CSMD1: variants seen among roughly 807,000 people sequenced by gnomAD.
CSMD1 encodes the protein CUB and Sushi multiple domains 1.
Under a neutral mutation model 417.5 loss-of-function variants are expected in CSMD1, and 213 were observed. The observed-to-expected ratio is 0.51, with a 90% CI of 0.46 to 0.57. The LOEUF (loss-of-function observed/expected upper bound fraction) is 0.57. CSMD1 is among the 20% of genes least tolerant of loss of function. The pLI, the probability that CSMD1 is intolerant of heterozygous loss-of-function variation, is 0.00. For synonymous variants in CSMD1, 2,862 were observed against 1,736.8 expected (o/e 1.65, Z -16.11); for missense variants, 6,923 against 4,529.7 (o/e 1.53, Z -15.17).
At chr8:4,164,434 C>T (rs1016130836) in intron 3 of CSMD1, among the ~76,000 whole-genome samples, 6 of 152,078 alleles carry the variant, frequency 3.9e-5, no homozygotes, top group Admixed American at 3.9e-4. Context: ...TTGCAGGTGA[C>T]CTCTGAAACA....
chr8:4,457,715 C>A (rs753104699), intron 2 of CSMD1, among the ~76,000 whole-genome samples: 1 of 152,094 alleles, frequency 6.6e-6, no homozygotes, highest in Admixed American at 6.6e-5. Context: ...CTTCCCTTCC[C>A]GGTCCTTCAT....
intron 2 of CSMD1, among the ~76,000 whole-genome samples, chr8:4,612,966 G>A (rs1213205517): frequency 6.6e-6 from 1 of 152,152 alleles, no homozygotes; most frequent in Non-Finnish European, 1.5e-5. Context: ...AGGGACTAGA[G>A]ATATAACAGT....
chr8:3,939,705 G>A, intron 5 of CSMD1, among the ~76,000 whole-genome samples: 1 of 152,212 alleles, frequency 6.6e-6, no homozygotes, highest in South Asian at 2.1e-4. Context: ...GGAAAAAACA[G>A]TGCCTTTTGC....
chr8:4,507,758 T>A (rs746952786), intron 2 of CSMD1, among the ~76,000 whole-genome samples: 4 of 152,202 alleles, frequency 2.6e-5, no homozygotes, highest in African/African-American at 4.8e-5. Context: ...AAAGACATCT[T>A]GATGATTGTC....
chr8:4,766,651 G>C (rs922866279), intron 1 of CSMD1, among the ~76,000 whole-genome samples: 2 of 152,138 alleles, frequency 1.3e-5, no homozygotes, highest in Admixed American at 6.5e-5. Flanking sequence ...AAATAACTCA[G>C]GCACTCCCAT....
At chr8:4,870,350 C>T (rs1802664329) in intron 1 of CSMD1, among the ~76,000 whole-genome samples, 1 of 152,064 alleles carries the variant, frequency 6.6e-6, no homozygotes, top group Non-Finnish European at 1.5e-5. Flanking sequence ...TATTTTTATG[C>T]ACTGCTATTT....
intron 2 of CSMD1, among the ~76,000 whole-genome samples, chr8:4,460,988 A>G (rs1345622496): frequency 6.6e-6 from 1 of 152,200 alleles, no homozygotes; most frequent in African/African-American, 2.4e-5. Flanking sequence ...AGTATTTCTT[A>G]AGAATATGAA....
chr8:4,962,385 A>G (rs1056672225), intron 1 of CSMD1, among the ~76,000 whole-genome samples: 2 of 151,818 alleles, frequency 1.3e-5, no homozygotes, highest in Non-Finnish European at 2.9e-5. Context: ...TAATTTTATA[A>G]TTTTGTGTAG....
chr8:4,758,207 A>C (rs1297357990), intron 1 of CSMD1, among the ~76,000 whole-genome samples: 3 of 152,138 alleles, frequency 2.0e-5, no homozygotes, highest in Non-Finnish European at 4.4e-5. Flanking sequence ...CCTGGCTCTG[A>C]TGCTGTTCCT....
intron 54 of CSMD1, among the ~76,000 whole-genome samples, chr8:2,979,022 G>A (rs962961587): frequency 2.6e-5 from 4 of 152,178 alleles, no homozygotes; most frequent in East Asian, 1.9e-4. Flanking sequence ...CAATTTTCAC[G>A]TGAGGCTAAT....
chr8:4,072,267 C>A (rs764128649), intron 3 of CSMD1, among the ~76,000 whole-genome samples: 1 of 152,102 alleles, frequency 6.6e-6, no homozygotes, highest in African/African-American at 2.4e-5. Flanking sequence ...GTTTATTTGG[C>A]CATCCTGAAT....
At chr8:3,678,655 G>C (rs1799502126) in intron 7 of CSMD1, among the ~76,000 whole-genome samples, 1 of 152,230 alleles carries the variant, frequency 6.6e-6, no homozygotes, top group Admixed American at 6.5e-5. Flanking sequence ...TAGCAAGGCA[G>C]GCCAACATGC....
At chr8:4,101,806 T>C (rs1244494674) in intron 3 of CSMD1, among the ~76,000 whole-genome samples, 1 of 145,542 alleles carries the variant, frequency 6.9e-6, no homozygotes, top group African/African-American at 2.6e-5. Flanking sequence ...GAGTTCAAAG[T>C]GAACGGAGAA....
intron 10 of CSMD1, among the ~76,000 whole-genome samples, chr8:3,540,727 A>T (rs1798402122): frequency 6.6e-6 from 1 of 152,246 alleles, no homozygotes; most frequent in South Asian, 2.1e-4. Flanking sequence ...AGCAAAAGAC[A>T]TGAACAGACA....
chr8:4,399,334 C>CA (rs2128928186), intron 3 of CSMD1, among the ~76,000 whole-genome samples: 1 of 152,238 alleles, frequency 6.6e-6, no homozygotes, highest in African/African-American at 2.4e-5. Flanking sequence ...TTAAACAATA[C>CA]ACCATATAGT....
chr8:3,788,049 G>A (rs1488149014), intron 5 of CSMD1, among the ~76,000 whole-genome samples: 2 of 152,130 alleles, frequency 1.3e-5, no homozygotes, highest in Non-Finnish European at 2.9e-5. Flanking sequence ...CTCACACACT[G>A]GCTCAAAAAG....
intron 8 of CSMD1, among the ~76,000 whole-genome samples, chr8:3,591,973 A>C (rs1800868407): frequency 6.6e-6 from 1 of 152,158 alleles, no homozygotes; most frequent in African/African-American, 2.4e-5. Context: ...ATGGATGGAA[A>C]GATAGATTGA....
chr8:3,693,957 G>C (rs1399350056), intron 7 of CSMD1, among the ~76,000 whole-genome samples: 3 of 151,126 alleles, frequency 2.0e-5, no homozygotes, highest in East Asian at 2.0e-4. Context: ...TTGGATATAG[G>C]GGTGTGTGTG....
At position 3,206,686 on chromosome 8, in the gene CSMD1, ATGTGTGTGTGGGGGGT is replaced by A. The variant is rs1797312000; in HGVS notation, c.4868-1082_4868-1067del. On this transcript the variant is annotated intron_variant, in intron 30 of 69. Transcript: ENST00000635120. ...GGGGTATGTCTGTGTGTGTGTGTAT[ATGTGTGTGTGGGGGGT>A]TATGTCTGTGTGAATGTGTGGGTAT... Among the ~76,000 whole-genome samples, 7 of 122,152 alleles carry A rather than the reference ATGTGTGTGTGGGGGGT, an allele frequency of 5.7e-5. No individual in the cohort carries two copies. In the South Asian group the frequency reaches 1.6e-3, roughly 29 times the overall value. The allele number at this position is 122,152 out of a possible 152,430, so 80.1% of individuals were successfully genotyped here. A position where few individuals can be genotyped will look rare whatever the true frequency, so the allele number is the denominator to read the frequency against.
Sources: allele counts gnomAD v4.1 joint callset (sites outside exome capture counted in the v4.1 genomes callset), GRCh38; gene constraint gnomAD v4.1.1; transcripts MANE v1.5; gene names NCBI Gene and HGNC (gene_info 2026-07-23, HGNC 2026-07-21).